Variants in HNRNPC observed in about 807,000 individuals in gnomAD.
The protein encoded by HNRNPC is heterogeneous nuclear ribonucleoproteins C1/C2.
A neutral mutation model predicts 33.2 loss-of-function variants in HNRNPC; 3 were observed. That is an observed-to-expected ratio of 0.09 (90% confidence interval 0.04 to 0.23). The LOEUF is 0.23. Ranked by LOEUF, HNRNPC falls within the 10% of genes least tolerant of loss-of-function variation. HNRNPC has a pLI of 1.00. For synonymous variants in HNRNPC, 121 were observed against 126.7 expected, an observed-to-expected ratio of 0.96 and a Z score of 0.30; for missense variants, 143 against 366.7, an observed-to-expected ratio of 0.39 and a Z score of 4.98.
At chr14:21,219,807 G>A (rs185112363) in intron 5 of HNRNPC, among the ~76,000 whole-genome samples, 18 of 152,148 alleles carry the variant, frequency 1.2e-4, no homozygotes, top group African/African-American at 3.9e-4. Flanking sequence ...CTCTCCAAAC[G>A]GATCAACTTT....
chr14:21,251,063 C>T (rs1409235735), intron 2 of HNRNPC, among the ~76,000 whole-genome samples: 1 of 151,860 alleles, frequency 6.6e-6, no homozygotes, highest in Non-Finnish European at 1.5e-5. Context: ...AGATCGAGAC[C>T]GTCCTGGCTA....
chr14:21,254,799 G>A (rs775755251), intron 2 of HNRNPC, among the ~76,000 whole-genome samples: 1 of 152,042 alleles, frequency 6.6e-6, no homozygotes. Context: ...CCAGCTACTC[G>A]GGAAGCTGAG....
chr14:21,222,985 G>A (rs2058031936), intron 5 of HNRNPC, among the ~76,000 whole-genome samples: 1 of 152,080 alleles, frequency 6.6e-6, no homozygotes, highest in Admixed American at 6.5e-5. Flanking sequence ...CAGATCTCGA[G>A]GTCAGGTGTT....
intron 2 of HNRNPC, among the ~76,000 whole-genome samples, chr14:21,255,644 A>G (rs893115134): frequency 4.6e-5 from 7 of 152,228 alleles, no homozygotes; most frequent in Non-Finnish European, 5.9e-5. Flanking sequence ...TTTAATTAGA[A>G]GGAAAATACT....
chr14:21,232,929 C>T (rs1055973013), intron 3 of HNRNPC, among the ~76,000 whole-genome samples: 2 of 151,796 alleles, frequency 1.3e-5, no homozygotes, highest in South Asian at 2.1e-4. Flanking sequence ...ACCAGCTACT[C>T]GGGAGGCTGA....
At chr14:21,211,622 C>T in intron 7 of HNRNPC, 56 bp from the exon 8 acceptor site, 1 of 1,555,564 alleles carries the variant, frequency 6.4e-7, no homozygotes, top group South Asian at 1.2e-5. Flanking sequence ...AGGACGTAGA[C>T]AATCCCCACT....
At chr14:21,217,334 T>TA (rs1892300531) in intron 5 of HNRNPC, among the ~76,000 whole-genome samples, 1 of 152,216 alleles carries the variant, frequency 6.6e-6, no homozygotes, top group Admixed American at 6.5e-5. Flanking sequence ...CATGCTGTCT[T>TA]AGTCTAGCAT....
At chr14:21,257,337 G>GT (rs1440687402) in intron 2 of HNRNPC, among the ~76,000 whole-genome samples, 1 of 151,632 alleles carries the variant, frequency 6.6e-6, no homozygotes, top group East Asian at 1.9e-4. Context: ...ACAGAAAGAA[G>GT]TTTAACATGT....
At chr14:21,250,168 G>T (rs1274773947) in intron 2 of HNRNPC, among the ~76,000 whole-genome samples, 1 of 151,810 alleles carries the variant, frequency 6.6e-6, no homozygotes, top group Non-Finnish European at 1.5e-5. Flanking sequence ...CAGGGGAATT[G>T]CTGTAACCTG....
chr14:21,230,516 A>T (rs1248449009), intron 4 of HNRNPC, 150 bp from the exon 5 acceptor site: 1 of 627,694 alleles, frequency 1.6e-6, no homozygotes, highest in Non-Finnish European at 2.9e-6. Context: ...ACAATAAATC[A>T]CTCAATTCCA....
intron 2 of HNRNPC, among the ~76,000 whole-genome samples, chr14:21,262,121 T>C (rs1878349123): frequency 6.6e-6 from 1 of 152,204 alleles, no homozygotes; most frequent in South Asian, 2.1e-4. Context: ...TTTTTCAAAT[T>C]TTTAAAAGCC....
At chr14:21,264,568 G>C (rs572616417) in intron 1 of HNRNPC, 1 of 152,186 alleles carries the variant, frequency 6.6e-6, no homozygotes, top group South Asian at 2.1e-4. Context: ...TAAAAATCTG[G>C]TACATAATAC....
intron 3 of HNRNPC, among the ~76,000 whole-genome samples, chr14:21,233,219 T>TA (rs1894311066): frequency 6.6e-6 from 1 of 152,142 alleles, no homozygotes; most frequent in Non-Finnish European, 1.5e-5. Flanking sequence ...AACAATGAAA[T>TA]AGACCCAAAT....
At chr14:21,261,516 C>T (rs567256664) in intron 2 of HNRNPC, among the ~76,000 whole-genome samples, 2 of 152,270 alleles carry the variant, frequency 1.3e-5, no homozygotes, top group Non-Finnish European at 1.5e-5. Context: ...TTCACTTTAA[C>T]TAGATTTCAC....
chr14:21,254,758 T>G (rs1016191592), intron 2 of HNRNPC, among the ~76,000 whole-genome samples: 5 of 151,886 alleles, frequency 3.3e-5, no homozygotes, highest in African/African-American at 1.2e-4. Context: ...ATACAAAAAT[T>G]AGCCAGGCGT....
chr14:21,251,089 A>G (rs1443981962), intron 2 of HNRNPC, among the ~76,000 whole-genome samples: 1 of 151,656 alleles, frequency 6.6e-6, no homozygotes, highest in Non-Finnish European at 1.5e-5. Flanking sequence ...GTGAAACCCC[A>G]TCTCTACTGA....
intron 2 of HNRNPC, among the ~76,000 whole-genome samples, chr14:21,241,029 G>A (rs1895276354): frequency 1.3e-5 from 2 of 152,100 alleles, no homozygotes; most frequent in African/African-American, 4.8e-5. Context: ...CCAGCACTCT[G>A]GGAGGCCGAG....
chr14:21,241,450 A>G (rs1263264941), intron 2 of HNRNPC, among the ~76,000 whole-genome samples: 1 of 152,208 alleles, frequency 6.6e-6, no homozygotes, highest in Non-Finnish European at 1.5e-5. Flanking sequence ...TAAAAGGTTT[A>G]CTAAATTTTC....
In HNRNPC at chr14:21,211,544, T is replaced by G. The variant is rs200073326; in HGVS notation, c.660A>C (p.Ser220=). The part of the protein sequence containing the change: ...KQAVEMKNDK[S]EEEQSSSSVK... ...CGGAGCTGCTGCTCTGCTCCTCTTC[T>G]GACTTATCATTCTTCATCTCTACTG... The change falls in exon 8 of 9, where the codon TCA becomes TCC. Residue 220 remains serine, a synonymous_variant. Coordinates refer to ENST00000553300, the MANE Select transcript of HNRNPC (RefSeq NM_004500.4). 6.2e-7 allele frequency: 1 copy of G among 1,611,304 alleles called. No homozygotes were observed. The highest frequency in any genetic ancestry group is 1.7e-5 in the Admixed American group (1 of 59,760).
Sources: gnomAD v4.1 joint callset for allele counts (sites outside exome capture counted in the v4.1 genomes callset) on GRCh38, gnomAD v4.1.1 for gene constraint, MANE v1.5 for transcripts, NCBI Gene and HGNC (gene_info 2026-07-23, HGNC 2026-07-21) for gene names.